The following NEGR1 variants were observed in gnomAD, a reference collection of about 807,000 sequenced individuals.
NEGR1 encodes the protein IgLON family member 4.
NEGR1 carries 10 observed loss-of-function variants against 40.9 expected under a neutral mutation model. That is an observed-to-expected ratio of 0.24 (90% CI 0.15 to 0.42). The LOEUF is 0.42. NEGR1 is among the 10% of genes least tolerant of loss of function. NEGR1 has a pLI of 1.00. For synonymous variants in NEGR1, 185 were observed against 166.8 expected (o/e 1.11, Z -0.84); for missense variants, 352 against 438.9 (o/e 0.80, Z 1.77).
rs148867189 is a variant in NEGR1 at position 71,399,824 on chromosome 1, T to G, written c.*7622A>C. On this transcript the variant is annotated 3_prime_UTR_variant, in exon 7 of 7. Transcript: ENST00000357731. ...CAACCACAATCCACACTTATGAAACTACTTAGAAAACTATGGAAGAGTTCT... is the reference window on the plus strand; with the variant it reads ...CAACCACAATCCACACTTATGAAACGACTTAGAAAACTATGGAAGAGTTCT... The G allele has an allele frequency of 6.6e-6, 1 of 152,358 alleles. No homozygotes were observed. The highest frequency in any genetic ancestry group is 2.4e-5 in the African/African-American group (1 of 41,594). 9.4% of individuals were successfully genotyped at this position (152,358 alleles called of 1,614,324 possible).
intron 2 of NEGR1, among the ~76,000 whole-genome samples, chr1:71,867,863 A>G (rs1291981995): frequency 6.6e-6 from 1 of 152,134 alleles, no homozygotes; most frequent in Non-Finnish European, 1.5e-5. Context: ...CTTTTCTCTT[A>G]GCAACACTGT....
intron 1 of NEGR1, among the ~76,000 whole-genome samples, chr1:72,077,561 T>C (rs1647796853): frequency 6.6e-6 from 1 of 151,898 alleles, no homozygotes; most frequent in Non-Finnish European, 1.5e-5. Context: ...AGGCTGAAGT[T>C]GGGGTATGGC....
chr1:72,257,211 A>G (rs1655300485), intron 1 of NEGR1, among the ~76,000 whole-genome samples: 1 of 149,540 alleles, frequency 6.7e-6, no homozygotes, highest in Non-Finnish European at 1.5e-5. Context: ...AGTCCCAGCT[A>G]CTTGGGAGGC....
chr1:72,128,639 A>G (rs900023507), intron 1 of NEGR1, among the ~76,000 whole-genome samples: 1 of 152,170 alleles, frequency 6.6e-6, no homozygotes, highest in African/African-American at 2.4e-5. Context: ...AATGTATTAT[A>G]TTAATTTTAT....
intron 1 of NEGR1, among the ~76,000 whole-genome samples, chr1:71,996,979 T>C (rs1646510098): frequency 6.6e-6 from 1 of 152,026 alleles, no homozygotes; most frequent in Admixed American, 6.6e-5. Context: ...CCTACTATAA[T>C]TCACTAAGAG....
At chr1:71,512,023 T>G (rs747393342) in intron 6 of NEGR1, among the ~76,000 whole-genome samples, 5 of 152,170 alleles carry the variant, frequency 3.3e-5, no homozygotes, top group Non-Finnish European at 7.4e-5. Flanking sequence ...TACTGAAATT[T>G]TAGATGCAAG....
At position 71,962,111 on chromosome 1, in the gene NEGR1, A is replaced by G. The variant is rs374102951; in HGVS notation, c.177-26800T>C. Among the ~76,000 whole-genome samples the G allele has an allele frequency of 1.9e-4, 29 of 152,248 alleles. No homozygotes were observed. In the South Asian group the frequency reaches 5.2e-3, roughly 27 times the overall value. ...AAAAAAAATCCAACACAGTCTTAAA[A>G]AGTGATGAATGCCAAAATGTCAGAT... On this transcript the variant is annotated intron_variant, in intron 1 of 6. Transcript: ENST00000357731.
intron 1 of NEGR1, among the ~76,000 whole-genome samples, chr1:72,167,283 T>C (rs546048398): frequency 6.6e-6 from 1 of 152,202 alleles, no homozygotes; most frequent in East Asian, 1.9e-4. Flanking sequence ...CTTTAGAGTA[T>C]AAAGAATAAG....
intron 1 of NEGR1, among the ~76,000 whole-genome samples, chr1:72,152,655 C>A (rs1651167371): frequency 6.6e-6 from 1 of 151,762 alleles, no homozygotes; most frequent in Admixed American, 6.6e-5. Context: ...ATCATTCTAC[C>A]AAAAATAAGC....
intron 1 of NEGR1, among the ~76,000 whole-genome samples, chr1:72,129,190 G>A (rs1210332824): frequency 6.6e-6 from 1 of 152,036 alleles, no homozygotes; most frequent in African/African-American, 2.4e-5. Context: ...ATATGTTACT[G>A]TTTCTGTTAC....
Position 71,502,420 on chromosome 1 carries a change from A to G in NEGR1, c.940+90397T>C, listed in dbSNP as rs185741840. Among the ~76,000 whole-genome samples, 11 of 152,278 alleles carry G rather than the reference A, an allele frequency of 7.2e-5. No individual in the cohort carries two copies. The East Asian group carries it at 2.1e-3, about 29-fold the overall frequency. ...GTAACTGCCCCAGGTGTGCCTGCCT[A>G]CTAGACACCTGATCTTGCAAGATCG... is the stretch of plus-strand genomic sequence containing the variant. On this transcript the variant is annotated intron_variant, in intron 6 of 6. Transcript: ENST00000357731.
At chr1:71,484,639 C>T (rs1477369160) in intron 6 of NEGR1, 3 of 151,748 alleles carry the variant, frequency 2.0e-5, no homozygotes, top group Non-Finnish European at 4.4e-5. Flanking sequence ...TAATTTATTG[C>T]TGAATTCGCA....
chr1:72,028,304 C>T (rs1373721663), intron 1 of NEGR1, among the ~76,000 whole-genome samples: 1 of 152,090 alleles, frequency 6.6e-6, no homozygotes, highest in Non-Finnish European at 1.5e-5. Flanking sequence ...TAATCTTTCA[C>T]CTCTATACGT....
intron 1 of NEGR1, among the ~76,000 whole-genome samples, chr1:71,954,753 T>A (rs1646105027): frequency 6.6e-6 from 1 of 151,964 alleles, no homozygotes; most frequent in Non-Finnish European, 1.5e-5. Flanking sequence ...AAAACACAAA[T>A]CCATATAAGC....
chr1:72,229,768 T>C (rs1380084157), intron 1 of NEGR1, among the ~76,000 whole-genome samples: 3 of 152,038 alleles, frequency 2.0e-5, no homozygotes, highest in Non-Finnish European at 4.4e-5. Flanking sequence ...CACTCTCTGA[T>C]TTCAAAGGTG....
chr1:71,957,688 A>G lies in NEGR1; in HGVS notation c.177-22377T>C, dbSNP rs189525678. Among the ~76,000 whole-genome samples, 16 of 152,328 alleles carry G rather than the reference A, an allele frequency of 1.1e-4. No homozygotes were observed. In the East Asian group the frequency reaches 2.9e-3, roughly 28 times the overall value. ...CAATTGGGTTTGGAACCAATTTAAC[A>G]TATCTACTACCATTCTACCCACTTT... On this transcript the variant is annotated intron_variant, in intron 1 of 6. Coordinates refer to ENST00000357731, the MANE Select transcript of NEGR1 (RefSeq NM_173808.3).
In NEGR1 at chr1:71,915,588, T is replaced by G. The variant is rs531474622; in HGVS notation, c.409+19491A>C. On this transcript the variant is annotated intron_variant, in intron 2 of 6. Coordinates refer to ENST00000357731, the MANE Select transcript of NEGR1 (RefSeq NM_173808.3). ...TTTGAAGGAAATTCTATAATGTGGG[T>G]TTCATTCTCCACAAAACTTCCCATA... 2.7e-4 allele frequency among the ~76,000 whole-genome samples: 41 copies of G among 152,220 alleles called. No individual in the cohort carries two copies. The East Asian group carries it at 7.7e-3, about 29-fold the overall frequency.
At chr1:71,988,335 C>G (rs532265319) in intron 1 of NEGR1, among the ~76,000 whole-genome samples, 4 of 151,794 alleles carry the variant, frequency 2.6e-5, no homozygotes, top group Non-Finnish European at 4.4e-5. Context: ...GTCAGGAGAT[C>G]GAGACCATCC....
At chr1:71,683,174 C>T (rs1379166453) in intron 4 of NEGR1, among the ~76,000 whole-genome samples, 3 of 151,968 alleles carry the variant, frequency 2.0e-5, no homozygotes, top group African/African-American at 7.2e-5. Context: ...GGAAATATTC[C>T]TTGCATCTAC....
Sources: gnomAD v4.1 joint callset for allele counts (sites outside exome capture counted in the v4.1 genomes callset) on GRCh38, gnomAD v4.1.1 for gene constraint, MANE v1.5 for transcripts, NCBI Gene and HGNC (gene_info 2026-07-23, HGNC 2026-07-21) for gene names.